Variants in EFR3A observed in about 807,000 individuals in gnomAD.
EFR3A encodes EFR3 homolog A.
Under a neutral mutation model 104.4 loss-of-function variants are expected in EFR3A, and 76 were observed. That is an observed-to-expected ratio of 0.73 (90% CI 0.60 to 0.88). EFR3A has a LOEUF of 0.88. Among genes scored for constraint, EFR3A ranks in the 40% least tolerant of loss-of-function variants. The pLI, the probability that EFR3A is intolerant of heterozygous loss-of-function variation, is 0.00. For synonymous variants in EFR3A, 330 were observed against 330.0 expected (o/e 1.00, Z 0.00); for missense variants, 985 against 1,012.5 (o/e 0.97, Z 0.37).
At chr8:132,001,856 A>G (rs775469578) in intron 20 of EFR3A, 49 bp downstream of exon 20, 97 of 1,489,770 alleles carry the variant, frequency 6.5e-5, no homozygotes, top group Non-Finnish European at 8.6e-5. Context: ...ACTTATCTTT[A>G]TCTGCTGCTT....
chr8:131,904,374 C>G (rs1020229514), intron 1 of EFR3A, 52 bp downstream of exon 1: 15 of 1,239,912 alleles, frequency 1.2e-5, no homozygotes, highest in South Asian at 3.6e-5. Context: ...GCCTGCGCGA[C>G]GCGCTTGGGC....
intron 12 of EFR3A, among the ~76,000 whole-genome samples, chr8:131,977,330 G>A (rs1240090908): frequency 6.6e-6 from 1 of 152,070 alleles, no homozygotes; most frequent in East Asian, 1.9e-4. Flanking sequence ...AACTATTGCT[G>A]TCTTATAGAC....
chr8:132,001,872 G>A (rs1283591325), intron 20 of EFR3A, 65 bp downstream of exon 20: 12 of 1,380,186 alleles, frequency 8.7e-6, no homozygotes, highest in South Asian at 3.5e-5. Context: ...TGCTTTTTTC[G>A]ATGACAGAAT....
At chr8:131,934,655 A>AT (rs1421561445) in intron 1 of EFR3A, among the ~76,000 whole-genome samples, 2 of 152,064 alleles carry the variant, frequency 1.3e-5, no homozygotes, top group African/African-American at 2.4e-5. Context: ...ATATATATAT[A>AT]AAAATACAGA....
At chr8:131,919,143 T>A (rs375598267) in intron 1 of EFR3A, among the ~76,000 whole-genome samples, 11 of 152,128 alleles carry the variant, frequency 7.2e-5, no homozygotes, top group African/African-American at 2.7e-4. Context: ...CCTATCTTTT[T>A]TCCCCCCATA....
At chr8:131,975,786 A>G (rs1820297950) in intron 10 of EFR3A, among the ~76,000 whole-genome samples, 2 of 152,132 alleles carry the variant, frequency 1.3e-5, no homozygotes, top group Non-Finnish European at 2.9e-5. Flanking sequence ...ATAATTATAT[A>G]AAAAAAGACT....
At chr8:131,966,957 T>C (rs546642540) in intron 8 of EFR3A, among the ~76,000 whole-genome samples, 1 of 152,198 alleles carries the variant, frequency 6.6e-6, no homozygotes, top group Admixed American at 6.5e-5. Context: ...AAAGAACACA[T>C]GCTCTGGTTT....
At chr8:131,993,053 A>G (rs1821278773) in intron 18 of EFR3A, among the ~76,000 whole-genome samples, 1 of 152,130 alleles carries the variant, frequency 6.6e-6, no homozygotes, top group Non-Finnish European at 1.5e-5. Context: ...TGGGACAGAG[A>G]GAGATGAGAT....
At chr8:131,910,349 G>A (rs531698854) in intron 1 of EFR3A, among the ~76,000 whole-genome samples, 3 of 152,076 alleles carry the variant, frequency 2.0e-5, no homozygotes, top group African/African-American at 7.2e-5. Context: ...TCGGCTCACT[G>A]CAACCTCCAC....
At chr8:131,966,510 C>T (rs145439913) in intron 8 of EFR3A, among the ~76,000 whole-genome samples, 2 of 152,188 alleles carry the variant, frequency 1.3e-5, no homozygotes, top group East Asian at 3.9e-4. Flanking sequence ...ACATATTAAG[C>T]ATTTTTCATA....
At chr8:131,940,467 T>G in intron 1 of EFR3A, 32 bp from the exon 2 acceptor site, 1 of 1,537,316 alleles carries the variant, frequency 6.5e-7, no homozygotes, top group Non-Finnish European at 8.7e-7. Flanking sequence ...ATTAATAATA[T>G]CTGTATTTCT....
At chr8:131,977,145 C>G in intron 12 of EFR3A, 53 bp downstream of exon 12, 1 of 1,299,216 alleles carries the variant, frequency 7.7e-7, no homozygotes, top group Non-Finnish European at 1.1e-6. Context: ...TTACTGAAAA[C>G]ATTAATTGAA....
intron 14 of EFR3A, among the ~76,000 whole-genome samples, chr8:131,982,184 A>G (rs1017561777): frequency 2.0e-5 from 3 of 151,984 alleles, no homozygotes; most frequent in Non-Finnish European, 4.4e-5. Context: ...TTTTTTTTAC[A>G]GTTTGATAAC....
At chr8:131,934,604 A>G (rs1438783787) in intron 1 of EFR3A, among the ~76,000 whole-genome samples, 1 of 152,134 alleles carries the variant, frequency 6.6e-6, no homozygotes. Flanking sequence ...AATAACACCT[A>G]TATTACAGGC....
intron 4 of EFR3A, 81 bp downstream of exon 4, chr8:131,946,714 G>A: frequency 1.5e-6 from 2 of 1,323,512 alleles, no homozygotes; most frequent in Non-Finnish European, 2.0e-6. Flanking sequence ...GACTTTACCT[G>A]GTAAAGGCAA....
In EFR3A at chr8:131,979,549, C is replaced by T. The variant is rs758119909; in HGVS notation, c.1575+128C>T. ...ATTTTGAATTTGAAAGACCTCAAGA[C>T]GCCATCTTCAGCCTCCCTCAAGTGT... is the stretch of plus-strand genomic sequence containing the variant. On this transcript the variant is annotated intron_variant, in intron 14 of 22. Transcript: ENST00000254624. The T allele has an allele frequency of 5.7e-5, 36 of 630,510 alleles. 1 individual carries two copies. The highest frequency in any genetic ancestry group is 3.1e-4 in the South Asian group (14 of 45,246). 39.1% of individuals were successfully genotyped at this position (630,510 alleles called of 1,614,324 possible).
intron 1 of EFR3A, among the ~76,000 whole-genome samples, chr8:131,933,776 C>T (rs1043326958): frequency 9.3e-5 from 14 of 149,798 alleles, no homozygotes; most frequent in Admixed American, 8.0e-4. Context: ...AAGTATAAAC[C>T]AGTTAGTTGC....
intron 1 of EFR3A, among the ~76,000 whole-genome samples, chr8:131,917,749 A>G (rs1263328126): frequency 6.6e-6 from 1 of 152,224 alleles, no homozygotes; most frequent in African/African-American, 2.4e-5. Context: ...CTTTGTGTAT[A>G]ATGCTACAGA....
At chr8:131,986,310 C>G in intron 17 of EFR3A, 49 bp downstream of exon 17, 1 of 919,758 alleles carries the variant, frequency 1.1e-6, no homozygotes, top group African/African-American at 1.7e-5. Context: ...CTTGATAAAC[C>G]CATCAGTAAT....
Sources: allele counts gnomAD v4.1 joint callset (sites outside exome capture counted in the v4.1 genomes callset), GRCh38; gene constraint gnomAD v4.1.1; transcripts MANE v1.5; gene names NCBI Gene and HGNC (gene_info 2026-07-23, HGNC 2026-07-21).